PLD1: variants seen among roughly 807,000 people sequenced by gnomAD.
PLD1 encodes choline phosphatase 1.
PLD1 carries 112 observed loss-of-function variants against 137.1 expected under a neutral mutation model. The ratio of observed to expected loss-of-function variants is 0.82; its 90% CI spans 0.70 to 0.96. PLD1 has a LOEUF of 0.96. Among genes scored for constraint, PLD1 ranks in the 40% least tolerant of loss-of-function variants. The probability of loss-of-function intolerance (pLI) is 0.00; values close to 1 mark genes in which losing one functional copy is unlikely to be tolerated. For synonymous variants in PLD1, 431 were observed against 454.7 expected, an observed-to-expected ratio of 0.95 and a Z score of 0.66; for missense variants, 1,321 against 1,342.0, an observed-to-expected ratio of 0.98 and a Z score of 0.24.
chr3:171,794,321 G>A lies in PLD1; in HGVS notation c.-32+16078C>T, dbSNP rs374519303. Among the ~76,000 whole-genome samples the A allele has an allele frequency of 3.3e-5, 5 of 152,164 alleles. No individual in the cohort carries two copies. The South Asian group carries it at 6.2e-4, about 19-fold the overall frequency. On this transcript the variant is annotated intron_variant, in intron 1 of 26. Coordinates refer to ENST00000351298, the MANE Select transcript of PLD1 (RefSeq NM_002662.5). ...ATATATTACATTTTATCATAGGTAT[G>A]TATGTATAGGGAAAAAAATCATAGC... is the stretch of plus-strand genomic sequence containing the variant.
Position 171,792,379 on chromosome 3 carries a change from A to C in PLD1, c.-32+18020T>G, listed in dbSNP as rs543508606. On this transcript the variant is annotated intron_variant, in intron 1 of 26. Coordinates refer to ENST00000351298, the MANE Select transcript of PLD1 (RefSeq NM_002662.5). Reference sequence around the variant, plus strand: ...CTATTCCACCTTATTTCATATACTAAGAGTAGTGGGGGCTGGGTGGCCCCA... The same window carrying C: ...CTATTCCACCTTATTTCATATACTACGAGTAGTGGGGGCTGGGTGGCCCCA... 5.2e-4 allele frequency: 186 copies of C among 354,498 alleles called. 1 individual carries two copies. The highest frequency in any genetic ancestry group is 3.6e-3 in the African/African-American group (168 of 46,692). The allele number at this position is 354,498 out of a possible 1,614,324, so 22.0% of individuals were successfully genotyped here. A position where few individuals can be genotyped will look rare whatever the true frequency, so the allele number is the denominator to read the frequency against.
intron 1 of PLD1, among the ~76,000 whole-genome samples, chr3:171,759,799 A>G (rs560383697): frequency 3.3e-4 from 50 of 152,332 alleles, no homozygotes; most frequent in African/African-American, 1.2e-3. Flanking sequence ...CCAATATTCA[A>G]TTTACATTTT....
chr3:171,710,040 C>A (rs1578329038), intron 9 of PLD1, among the ~76,000 whole-genome samples: 1 of 151,788 alleles, frequency 6.6e-6, no homozygotes, highest in Non-Finnish European at 1.5e-5. Flanking sequence ...TGTTGGCTCC[C>A]GTACAGCAGC....
In PLD1 at chr3:171,737,398, T is replaced by C. The variant is rs6794454; in HGVS notation, c.288+134A>G. 0.14 allele frequency: 102,599 copies of C among 716,498 alleles called. 7,888 individuals carry two copies. The highest frequency in any genetic ancestry group is 0.21 in the South Asian group (6,408 of 30,526). 44.4% of individuals were successfully genotyped at this position (716,498 alleles called of 1,614,324 possible). A position where few individuals can be genotyped will look rare whatever the true frequency, so the allele number is the denominator to read the frequency against. On this transcript the variant is annotated intron_variant, in intron 3 of 26. Transcript: ENST00000351298. ...TTGACAGGTGAAAATGACTTGGAAA[T>C]GATAGATACATAAAAACAAACAAAC... is the stretch of plus-strand genomic sequence containing the variant.
At chr3:171,686,916 G>A (rs537295877) in intron 15 of PLD1, 118 bp from the exon 16 acceptor site, 4 of 541,872 alleles carry the variant, frequency 7.4e-6, no homozygotes, top group Non-Finnish European at 1.3e-5. Context: ...TTAAGATTCT[G>A]TGCAACAGAA....
chr3:171,719,950 G>A (rs368602471), intron 8 of PLD1, among the ~76,000 whole-genome samples: 1 of 152,122 alleles, frequency 6.6e-6, no homozygotes, highest in Non-Finnish European at 1.5e-5. Context: ...ATGAAAAAAA[G>A]TTATGAAGGA....
chr3:171,746,787 G>A (rs775461862), intron 1 of PLD1, among the ~76,000 whole-genome samples: 1 of 152,334 alleles, frequency 6.6e-6, no homozygotes, highest in South Asian at 2.1e-4. Flanking sequence ...TCTGTAAAAT[G>A]GACGAATCAG....
intron 23 of PLD1, among the ~76,000 whole-genome samples, chr3:171,622,260 C>G (rs1363149634): frequency 1.3e-5 from 2 of 152,100 alleles, no homozygotes; most frequent in Admixed American, 1.3e-4. Flanking sequence ...GCACAAAGAC[C>G]ACCTCTATGG....
intron 1 of PLD1, chr3:171,793,996 T>C (rs1407755706): frequency 6.6e-6 from 1 of 151,884 alleles, no homozygotes; most frequent in Non-Finnish European, 1.5e-5. Context: ...ATATAAAAAT[T>C]AGCCGGGCGT....
chr3:171,745,395 G>A (rs997052512), intron 1 of PLD1, among the ~76,000 whole-genome samples: 2 of 152,162 alleles, frequency 1.3e-5, no homozygotes, highest in African/African-American at 4.8e-5. Flanking sequence ...GCCTCCAGAT[G>A]GGCTGGGTCC....
At chr3:171,737,815 TG>T in intron 2 of PLD1, 76 bp downstream of exon 2, 1 of 1,477,044 alleles carries the variant, frequency 6.8e-7, no homozygotes. Flanking sequence ...AATCATTTGC[TG>T]GTTACTTCAA....
At chr3:171,797,803 T>G (rs557055751) in intron 1 of PLD1, among the ~76,000 whole-genome samples, 1 of 152,232 alleles carries the variant, frequency 6.6e-6, no homozygotes, top group Non-Finnish European at 1.5e-5. Flanking sequence ...GGGCCTCTTA[T>G]TTAAAACTGA....
chr3:171,719,942 G>T (rs886955963), intron 8 of PLD1, among the ~76,000 whole-genome samples: 11 of 151,904 alleles, frequency 7.2e-5, no homozygotes, highest in African/African-American at 2.7e-4. Flanking sequence ...GGGTACAAAT[G>T]AAAAAAAGTT....
chr3:171,764,932 AG>A (rs375605865), intron 1 of PLD1, among the ~76,000 whole-genome samples: 1,191 of 26,102 alleles, frequency 0.046, 200 homozygotes, highest in African/African-American at 0.068. Context: ...AAGGAAAGAA[AG>A]GAAAGAAAGA....
chr3:171,629,868 T>C (rs1734508925), intron 23 of PLD1, among the ~76,000 whole-genome samples: 1 of 152,080 alleles, frequency 6.6e-6, no homozygotes, highest in Non-Finnish European at 1.5e-5. Flanking sequence ...TAATTCAAGA[T>C]GGATTAAAGA....
chr3:171,789,786 A>C (rs1306551304), intron 1 of PLD1: 1 of 152,262 alleles, frequency 6.6e-6, no homozygotes, highest in Non-Finnish European at 1.5e-5. Flanking sequence ...TAATGGTAGC[A>C]TCACTCACTT....
chr3:171,769,993 C>G (rs910217467), intron 1 of PLD1, among the ~76,000 whole-genome samples: 1 of 152,142 alleles, frequency 6.6e-6, no homozygotes, highest in African/African-American at 2.4e-5. Flanking sequence ...CTTTAAAACA[C>G]CAAATTGAAC....
intron 1 of PLD1, among the ~76,000 whole-genome samples, chr3:171,780,563 G>A (rs949176179): frequency 6.6e-6 from 1 of 152,140 alleles, no homozygotes; most frequent in Non-Finnish European, 1.5e-5. Flanking sequence ...TGCCAGTGGG[G>A]TAGTAGGAAA....
chr3:171,608,986 T>A (rs1356324521), intron 25 of PLD1, among the ~76,000 whole-genome samples: 3 of 151,946 alleles, frequency 2.0e-5, no homozygotes, highest in Non-Finnish European at 4.4e-5. Flanking sequence ...GCAACACATA[T>A]GACAAAGGAA....
Sources: allele counts gnomAD v4.1 joint callset (sites outside exome capture counted in the v4.1 genomes callset), GRCh38; gene constraint gnomAD v4.1.1; transcripts MANE v1.5; gene names NCBI Gene and HGNC (gene_info 2026-07-23, HGNC 2026-07-21).